The following TCF4 variants were observed in gnomAD, a reference collection of about 807,000 sequenced individuals.
TCF4 encodes the protein transcription factor 4.
Under a neutral mutation model 82.1 loss-of-function variants are expected in TCF4, and 3 were observed. The ratio of observed to expected loss-of-function variants is 0.04; its 90% confidence interval spans 0.02 to 0.09. The LOEUF (loss-of-function observed/expected upper bound fraction) is 0.09, where lower values mean the gene tolerates loss of function less well. Among genes scored for constraint, TCF4 ranks in the 10% least tolerant of loss-of-function variants. The probability of loss-of-function intolerance (pLI) is 1.00; values close to 1 mark genes in which losing one functional copy is unlikely to be tolerated. For missense variants in TCF4, 518 were observed against 852.7 expected (o/e 0.61, Z 4.89); for synonymous variants, 276 against 309.6 (o/e 0.89, Z 1.14).
At chr18:55,566,451 C>T (rs889592802) in intron 3 of TCF4, among the ~76,000 whole-genome samples, 11 of 151,866 alleles carry the variant, frequency 7.2e-5, no homozygotes, top group Non-Finnish European at 1.2e-4. Context: ...ACATATAATA[C>T]AAAAACTGTC....
chr18:55,412,847 T>G (rs78154773), intron 5 of TCF4, among the ~76,000 whole-genome samples: 1 of 152,188 alleles, frequency 6.6e-6, no homozygotes, highest in Admixed American at 6.5e-5. Flanking sequence ...AACTGAATGT[T>G]CCACCAGAGT....
At chr18:55,345,295 C>CAA (rs11332509) in intron 8 of TCF4, among the ~76,000 whole-genome samples, 28 of 139,050 alleles carry the variant, frequency 2.0e-4, no homozygotes, top group African/African-American at 6.0e-4. Flanking sequence ...TTGGTTTTCA[C>CAA]AAAAAAAAAA....
chr18:55,494,181 C>CACACACACACACACACAG (rs2096606019), intron 3 of TCF4, among the ~76,000 whole-genome samples: 1 of 151,130 alleles, frequency 6.6e-6, no homozygotes, highest in Non-Finnish European at 1.5e-5. Context: ...CACACACACA[C>CACACACACACACACACAG]AGATTAGTCA....
At chr18:55,450,884 T>C (rs1281938798) in intron 5 of TCF4, among the ~76,000 whole-genome samples, 1 of 152,198 alleles carries the variant, frequency 6.6e-6, no homozygotes, top group Non-Finnish European at 1.5e-5. Context: ...GTCTCACCAC[T>C]CAAACACCAC....
At chr18:55,460,937 C>T (rs1335400176) in intron 5 of TCF4, 82 bp downstream of exon 5, 1 of 1,229,576 alleles carries the variant, frequency 8.1e-7, no homozygotes, top group Non-Finnish European at 1.2e-6. Flanking sequence ...AAAAGCAGAA[C>T]CTCTGTCTAG....
At chr18:55,381,944 T>C (rs1053986172) in intron 6 of TCF4, among the ~76,000 whole-genome samples, 3 of 151,702 alleles carry the variant, frequency 2.0e-5, no homozygotes, top group African/African-American at 7.3e-5. Flanking sequence ...AAATTCTAAG[T>C]GATTTACTAA....
intron 8 of TCF4, among the ~76,000 whole-genome samples, chr18:55,310,366 G>A (rs2071938205): frequency 6.6e-6 from 1 of 152,130 alleles, no homozygotes; most frequent in Non-Finnish European, 1.5e-5. Context: ...ATTAAACCTT[G>A]GAGAACTTTG....
intron 11 of TCF4, among the ~76,000 whole-genome samples, chr18:55,264,101 G>A (rs564609768): frequency 6.6e-6 from 1 of 151,962 alleles, no homozygotes; most frequent in Non-Finnish European, 1.5e-5. Context: ...AAAATCACAC[G>A]TTAGAAGAGG....
intron 15 of TCF4, among the ~76,000 whole-genome samples, chr18:55,249,224 T>C (rs1395675164): frequency 6.6e-6 from 1 of 152,242 alleles, no homozygotes; most frequent in Non-Finnish European, 1.5e-5. Flanking sequence ...GTTTGTCCTA[T>C]GAAGCCCTAA....
chr18:55,360,545 AAT>A (rs1490838657), intron 6 of TCF4, among the ~76,000 whole-genome samples: 1 of 152,164 alleles, frequency 6.6e-6, no homozygotes, highest in Non-Finnish European at 1.5e-5. Flanking sequence ...CCAGATAGAA[AAT>A]ATTTTAGTCA....
chr18:55,541,252 A>G (rs1166445458), intron 3 of TCF4, among the ~76,000 whole-genome samples: 9 of 151,996 alleles, frequency 5.9e-5, no homozygotes. Context: ...TAGTAATCAC[A>G]ATTGTAGGAT....
intron 15 of TCF4, among the ~76,000 whole-genome samples, chr18:55,245,807 T>A (rs1268361958): frequency 6.6e-6 from 1 of 151,154 alleles, no homozygotes; most frequent in Non-Finnish European, 1.5e-5. Flanking sequence ...GGTCATTTCA[T>A]AATTCTACCT....
intron 10 of TCF4, among the ~76,000 whole-genome samples, chr18:55,273,185 A>G (rs1324165084): frequency 3.3e-5 from 5 of 152,184 alleles, no homozygotes; most frequent in African/African-American, 7.2e-5. Context: ...TTTAAAGACT[A>G]AACATCAGTA....
At chr18:55,296,439 G>A (rs1015388704) in intron 8 of TCF4, among the ~76,000 whole-genome samples, 5 of 152,176 alleles carry the variant, frequency 3.3e-5, no homozygotes, top group Admixed American at 1.3e-4. Flanking sequence ...TTAGAAGTCT[G>A]CAGAGCTCAG....
At chr18:55,508,548 T>C (rs1227436850) in intron 3 of TCF4, among the ~76,000 whole-genome samples, 1 of 152,230 alleles carries the variant, frequency 6.6e-6, no homozygotes, top group Non-Finnish European at 1.5e-5. Context: ...CATTCACTCA[T>C]TTAATTCCCA....
intron 6 of TCF4, among the ~76,000 whole-genome samples, chr18:55,373,702 A>G (rs1180558040): frequency 1.3e-5 from 2 of 151,866 alleles, no homozygotes; most frequent in Non-Finnish European, 2.9e-5. Context: ...GATCCCAGCT[A>G]CTTGGGAGGC....
intron 2 of TCF4, among the ~76,000 whole-genome samples, chr18:55,624,622 CCT>C (rs1491389655): frequency 6.6e-6 from 1 of 151,928 alleles, no homozygotes; most frequent in Admixed American, 6.6e-5. Flanking sequence ...ATCGCTTATC[CCT>C]TTTTTCTCCT....
At chr18:55,510,355 C>G (rs2096813053) in intron 3 of TCF4, among the ~76,000 whole-genome samples, 1 of 152,068 alleles carries the variant, frequency 6.6e-6, no homozygotes, top group East Asian at 1.9e-4. Context: ...CTTAAAAAAG[C>G]AGAAATGTTT....
At chr18:55,413,799 G>A (rs1490778442) in intron 5 of TCF4, among the ~76,000 whole-genome samples, 1 of 152,166 alleles carries the variant, frequency 6.6e-6, no homozygotes, top group Non-Finnish European at 1.5e-5. Flanking sequence ...AAAATAAAAT[G>A]CATTACATAT....
Sources: allele counts gnomAD v4.1 joint callset (sites outside exome capture counted in the v4.1 genomes callset), GRCh38; gene constraint gnomAD v4.1.1; transcripts MANE v1.5; gene names NCBI Gene and HGNC (gene_info 2026-07-23, HGNC 2026-07-21).